The following TRAF1 variants were observed in gnomAD, a reference collection of about 807,000 sequenced individuals.
The protein encoded by TRAF1 is TNF receptor-associated factor 1.
Under a neutral mutation model 40.9 loss-of-function variants are expected in TRAF1, and 23 were observed. That is an observed-to-expected ratio of 0.56 (90% CI 0.40 to 0.80). The LOEUF is 0.80. TRAF1 is among the 30% of genes least tolerant of loss of function. The pLI, the probability that TRAF1 is intolerant of heterozygous loss-of-function variation, is 0.00. For synonymous variants in TRAF1, 206 were observed against 218.8 expected, an observed-to-expected ratio of 0.94 and a Z score of 0.52; for missense variants, 477 against 528.7, an observed-to-expected ratio of 0.90 and a Z score of 0.96.
At chr9:120,918,091 G>A (rs1347999567) in intron 3 of TRAF1, among the ~76,000 whole-genome samples, 2 of 152,150 alleles carry the variant, frequency 1.3e-5, no homozygotes, top group African/African-American at 4.8e-5. Flanking sequence ...GAGAGGCCTT[G>A]GAGGAAACCA....
rs764334284 is a variant in TRAF1 at position 120,926,122 on chromosome 9, G to C, written c.-47C>G. 8.0e-6 allele frequency: 12 copies of C among 1,499,588 alleles called. No homozygotes were observed. The highest frequency in any genetic ancestry group is 1.4e-5 in the African/African-American group (1 of 71,460). The allele number at this position is 1,499,588 out of a possible 1,614,324, so 92.9% of individuals were successfully genotyped here. A position where few individuals can be genotyped will look rare whatever the true frequency, so the allele number is the denominator to read the frequency against. ...GAGGGCCTGTTTAAGTTGCTCCAGG[G>C]CAGGGGACCAGCCTTGTGGAGTCCT... On this transcript the variant is annotated 5_prime_UTR_variant, in exon 2 of 8. Transcript: ENST00000373887.
Position 120,926,167 on chromosome 9 carries a change from G to A in TRAF1, c.-92C>T. 7.4e-7 allele frequency: 1 copy of A among 1,347,554 alleles called. No individual in the cohort carries two copies. The highest frequency in any genetic ancestry group is 9.9e-7 in the Non-Finnish European group (1 of 1,012,804). The allele number at this position is 1,347,554 out of a possible 1,614,324, so 83.5% of individuals were successfully genotyped here. A position where few individuals can be genotyped will look rare whatever the true frequency, so the allele number is the denominator to read the frequency against. On this transcript the variant is annotated 5_prime_UTR_variant, in exon 2 of 8. Coordinates refer to ENST00000373887, the MANE Select transcript of TRAF1 (RefSeq NM_005658.5). ...AGTCCTGGCCTGGGCCTCACTCTCTGGTGAGTAGGAGCTCTGATGACTTTA... is the reference window on the plus strand; with the variant it reads ...AGTCCTGGCCTGGGCCTCACTCTCTAGTGAGTAGGAGCTCTGATGACTTTA...
At chr9:120,924,992 C>T (rs758617662) in intron 2 of TRAF1, among the ~76,000 whole-genome samples, 4 of 152,240 alleles carry the variant, frequency 2.6e-5, no homozygotes, top group South Asian at 2.1e-4. Flanking sequence ...CCTGACAATC[C>T]GCTTGATGGT....
intron 2 of TRAF1, among the ~76,000 whole-genome samples, 197 bp downstream of exon 2, chr9:120,925,739 C>T (rs984783634): frequency 6.6e-6 from 1 of 152,200 alleles, no homozygotes; most frequent in Non-Finnish European, 1.5e-5. Context: ...GGAGCTGATG[C>T]CTTTCTGTGG....
At chr9:120,926,843 C>T (rs1253094448), upstream of TRAF1, 1 of 152,218 alleles carries the variant, frequency 6.6e-6, no homozygotes, top group Non-Finnish European at 1.5e-5. Context: ...CACACCACCC[C>T]ACTCAGGAAG....
chr9:120,923,624 G>T (rs2046618841), intron 3 of TRAF1, 81 bp downstream of exon 3: 1 of 1,341,166 alleles, frequency 7.5e-7, no homozygotes, highest in Non-Finnish European at 1.1e-6. Context: ...GCCAGGGGTG[G>T]AGTGGGCAGC....
intron 3 of TRAF1, among the ~76,000 whole-genome samples, chr9:120,920,140 C>T (rs998414984): frequency 6.6e-6 from 1 of 152,120 alleles, no homozygotes; most frequent in African/African-American, 2.4e-5. Flanking sequence ...TAAACAGAAG[C>T]GCATTTACCC....
At chr9:120,912,753 T>G (rs940728981) in intron 5 of TRAF1, among the ~76,000 whole-genome samples, 7 of 152,178 alleles carry the variant, frequency 4.6e-5, no homozygotes, top group African/African-American at 1.7e-4. Context: ...CCAAGTGGAT[T>G]ATCTGGAGTC....
intron 7 of TRAF1, among the ~76,000 whole-genome samples, chr9:120,906,931 C>T (rs747970586): frequency 1.3e-5 from 2 of 152,240 alleles, no homozygotes; most frequent in African/African-American, 2.4e-5. Context: ...TACAGTGGCG[C>T]GATCTCAGCT....
At chr9:120,914,214 T>C in intron 4 of TRAF1, 21 bp downstream of exon 4, 1 of 1,494,866 alleles carries the variant, frequency 6.7e-7, no homozygotes, top group Non-Finnish European at 9.0e-7. Flanking sequence ...TAGATCTCCT[T>C]TCTCACACTC....
chr9:120,924,703 C>T (rs976606029), intron 2 of TRAF1, among the ~76,000 whole-genome samples: 3 of 152,252 alleles, frequency 2.0e-5, no homozygotes, highest in African/African-American at 7.2e-5. Context: ...GCATGAGCCA[C>T]TGCGCCTGGC....
chr9:120,909,402 G>C (rs1380001573), intron 6 of TRAF1, 24 bp from the exon 7 acceptor site: 1 of 1,609,534 alleles, frequency 6.2e-7, no homozygotes, highest in Non-Finnish European at 8.5e-7. Context: ...GCCAGAGGCA[G>C]TTGGGAAGTG....
At chr9:120,915,092 C>T (rs1203827014) in intron 3 of TRAF1, among the ~76,000 whole-genome samples, 1 of 152,200 alleles carries the variant, frequency 6.6e-6, no homozygotes, top group Non-Finnish European at 1.5e-5. Context: ...CCACGCACAT[C>T]ACTACCTCTT....
intron 3 of TRAF1, among the ~76,000 whole-genome samples, chr9:120,921,224 C>T (rs2046603356): frequency 6.6e-6 from 1 of 152,066 alleles, no homozygotes; most frequent in Non-Finnish European, 1.5e-5. Context: ...ATTATAGTGC[C>T]TTCACTTGGC....
At chr9:120,922,513 G>A (rs1214971224) in intron 3 of TRAF1, among the ~76,000 whole-genome samples, 1 of 152,136 alleles carries the variant, frequency 6.6e-6, no homozygotes, top group Non-Finnish European at 1.5e-5. Context: ...TAGCATGTGG[G>A]AACCTCTGAG....
At chr9:120,911,931 A>G (rs1287289865) in intron 5 of TRAF1, among the ~76,000 whole-genome samples, 1 of 152,162 alleles carries the variant, frequency 6.6e-6, no homozygotes, top group African/African-American at 2.4e-5. Flanking sequence ...TTGTGGGTGA[A>G]ATGAAGGTAT....
At chr9:120,927,496 A>T (rs1435349815), upstream of TRAF1, 1 of 152,200 alleles carries the variant, frequency 6.6e-6, no homozygotes, top group Non-Finnish European at 1.5e-5. Flanking sequence ...AGTGGGTCAA[A>T]GTGTGGTGTG....
At chr9:120,923,334 T>G (rs981847431) in intron 3 of TRAF1, among the ~76,000 whole-genome samples, 4 of 152,228 alleles carry the variant, frequency 2.6e-5, no homozygotes, top group Non-Finnish European at 5.9e-5. Context: ...GAGAGTGGCC[T>G]CACAGCCTCG....
chr9:120,917,980 T>C (rs1423872019), intron 3 of TRAF1, among the ~76,000 whole-genome samples: 1 of 151,696 alleles, frequency 6.6e-6, no homozygotes, highest in Non-Finnish European at 1.5e-5. Flanking sequence ...TCATTGGGGG[T>C]GGGCCCTAAT....
Sources: allele counts gnomAD v4.1 joint callset (sites outside exome capture counted in the v4.1 genomes callset), GRCh38; gene constraint gnomAD v4.1.1; transcripts MANE v1.5; gene names NCBI Gene and HGNC (gene_info 2026-07-23, HGNC 2026-07-21).